Variants in MEGF10 observed in about 807,000 individuals in gnomAD.
MEGF10 encodes the protein multiple EGF like domains 10, also known as multiple epidermal growth factor-like domains protein 10.
A neutral mutation model predicts 147.5 loss-of-function variants in MEGF10; 86 were observed. The observed-to-expected ratio is 0.58, with a 90% CI of 0.49 to 0.70. The LOEUF is 0.70. Among genes scored for constraint, MEGF10 ranks in the 30% least tolerant of loss-of-function variants. The pLI is 0.00. For synonymous variants in MEGF10, 478 were observed against 525.5 expected (o/e 0.91, Z 1.24); for missense variants, 1,329 against 1,487.3 (o/e 0.89, Z 1.75).
At chr5:127,253,187 C>T in the MEGF10 span, among the ~76,000 whole-genome samples, 1 of 151,872 alleles carries the variant, frequency 6.6e-6, no homozygotes, top group African/African-American at 2.4e-5. Context: ...GACTTTTCCA[C>T]CTATTGATCT....
intron 10 of MEGF10, 100 bp downstream of exon 10, chr5:127,417,912 C>A: frequency 8.3e-7 from 1 of 1,208,774 alleles, no homozygotes; most frequent in Non-Finnish European, 1.1e-6. Context: ...AGTGAATGTG[C>A]TAAAGTCATC....
chr5:127,380,491 G>A (rs1580789141), intron 5 of MEGF10, among the ~76,000 whole-genome samples: 1 of 151,880 alleles, frequency 6.6e-6, no homozygotes, highest in East Asian at 1.9e-4. Context: ...GCTATGTGCA[G>A]TGTAGACACA....
intron 1 of MEGF10, among the ~76,000 whole-genome samples, chr5:127,324,138 G>C (rs1389965894): frequency 6.6e-6 from 1 of 152,054 alleles, no homozygotes; most frequent in Non-Finnish European, 1.5e-5. Context: ...AATTATGGTT[G>C]CTGTAGCAGC....
At chr5:127,390,654 T>C (rs1213586769) in intron 5 of MEGF10, among the ~76,000 whole-genome samples, 1 of 152,214 alleles carries the variant, frequency 6.6e-6, no homozygotes, top group Non-Finnish European at 1.5e-5. Flanking sequence ...TAAAATCATC[T>C]TCTATAAAAA....
chr5:127,454,682 T>A (rs1157598175), intron 23 of MEGF10, 72 bp downstream of exon 23: 1 of 1,352,944 alleles, frequency 7.4e-7, no homozygotes, highest in Non-Finnish European at 1.0e-6. Context: ...CTGAAATAGT[T>A]TTTAAACAAG....
At chr5:127,246,938 T>TAG in the MEGF10 span, among the ~76,000 whole-genome samples, 4 of 111,246 alleles carry the variant, frequency 3.6e-5, no homozygotes, top group Non-Finnish European at 5.4e-5. Flanking sequence ...TAATATATGA[T>TAG]TATATTATAT....
At chr5:127,444,776 A>AAAGT (rs1376623156) in intron 19 of MEGF10, 1 of 152,446 alleles carries the variant, frequency 6.6e-6, no homozygotes. Context: ...GCACAGAACA[A>AAAGT]TATCTTCTGA....
chr5:127,273,068 T>C, the MEGF10 span, among the ~76,000 whole-genome samples: 2 of 152,148 alleles, frequency 1.3e-5, no homozygotes, highest in Admixed American at 6.5e-5. Context: ...CAGCCACATT[T>C]GTTGGGGATC....
the MEGF10 span, among the ~76,000 whole-genome samples, chr5:127,236,045 T>C: frequency 1.3e-5 from 2 of 151,958 alleles, no homozygotes; most frequent in Non-Finnish European, 2.9e-5. Flanking sequence ...CGATCTCGGC[T>C]CACTCCAACC....
At chr5:127,407,341 G>A (rs1290431547) in intron 8 of MEGF10, among the ~76,000 whole-genome samples, 2 of 152,110 alleles carry the variant, frequency 1.3e-5, no homozygotes, top group Non-Finnish European at 2.9e-5. Flanking sequence ...AGAAGGTCAG[G>A]GGTGAAAGCG....
At chr5:127,425,253 C>G (rs1765172121) in intron 13 of MEGF10, among the ~76,000 whole-genome samples, 1 of 152,228 alleles carries the variant, frequency 6.6e-6, no homozygotes, top group South Asian at 2.1e-4. Flanking sequence ...ACCTATCAAG[C>G]TCCTACGGGA....
At chr5:127,366,952 C>T (rs973130515) in intron 4 of MEGF10, among the ~76,000 whole-genome samples, 2 of 152,168 alleles carry the variant, frequency 1.3e-5, no homozygotes, top group Non-Finnish European at 2.9e-5. Context: ...ATTCTTACTT[C>T]TCTGGAACAT....
At chr5:127,301,588 G>C (rs1337257529) in intron 1 of MEGF10, among the ~76,000 whole-genome samples, 1 of 152,094 alleles carries the variant, frequency 6.6e-6, no homozygotes, top group Non-Finnish European at 1.5e-5. Context: ...GTCTATTGCT[G>C]ACCTTGTCAT....
intron 5 of MEGF10, among the ~76,000 whole-genome samples, chr5:127,387,810 C>A (rs926702438): frequency 3.9e-5 from 6 of 152,164 alleles, no homozygotes; most frequent in African/African-American, 9.7e-5. Flanking sequence ...TGTAATAATG[C>A]CTGGCACATG....
At chr5:127,389,229 A>G (rs1010197457) in intron 5 of MEGF10, among the ~76,000 whole-genome samples, 1 of 152,232 alleles carries the variant, frequency 6.6e-6, no homozygotes, top group Non-Finnish European at 1.5e-5. Context: ...AGGACTAGAA[A>G]TAGCTGTAAT....
chr5:127,324,690 C>G (rs1760933802), intron 1 of MEGF10, among the ~76,000 whole-genome samples: 1 of 152,202 alleles, frequency 6.6e-6, no homozygotes, highest in Admixed American at 6.5e-5. Context: ...ACACCTCTTT[C>G]ATCAAATAAT....
chr5:127,293,183 T>C (rs1481958326), intron 1 of MEGF10, among the ~76,000 whole-genome samples: 2 of 152,246 alleles, frequency 1.3e-5, no homozygotes, highest in Admixed American at 6.5e-5. Context: ...GCTGCCTTAC[T>C]TCATTGGTGG....
chr5:127,345,737 GTTTGGTTATA>G (rs1761860414), intron 4 of MEGF10, among the ~76,000 whole-genome samples: 6 of 152,112 alleles, frequency 3.9e-5, no homozygotes. Flanking sequence ...AACAGGTAGT[GTTTGGTTATA>G]TCAATAAGTT....
intron 4 of MEGF10, among the ~76,000 whole-genome samples, chr5:127,367,248 G>A (rs573528246): frequency 6.6e-6 from 1 of 152,256 alleles, no homozygotes; most frequent in East Asian, 1.9e-4. Flanking sequence ...GGATAGAGAA[G>A]AAAGGGAGAG....
Sources: gnomAD v4.1 joint callset for allele counts (sites outside exome capture counted in the v4.1 genomes callset) on GRCh38, gnomAD v4.1.1 for gene constraint, MANE v1.5 for transcripts, NCBI Gene and HGNC (gene_info 2026-07-23, HGNC 2026-07-21) for gene names.